KIF26B: variants seen among roughly 807,000 people sequenced by gnomAD.
KIF26B encodes the protein kinesin family member 26B, also known as kinesin-like protein KIF26B.
KIF26B carries 63 observed loss-of-function variants against 151.2 expected under a neutral mutation model. That is an observed-to-expected ratio of 0.42 (90% CI 0.34 to 0.51). The LOEUF (loss-of-function observed/expected upper bound fraction) is 0.51, where lower values mean the gene tolerates loss of function less well. KIF26B is among the 20% of genes least tolerant of loss of function. The pLI, the probability that KIF26B is intolerant of heterozygous loss-of-function variation, is 0.07. For missense variants in KIF26B, 2,813 were observed against 2,913.6 expected (o/e 0.97, Z 0.79); for synonymous variants, 1,357 against 1,262.1 (o/e 1.08, Z -1.59).
At chr1:245,242,799 G>C (rs774115271) in intron 2 of KIF26B, among the ~76,000 whole-genome samples, 4 of 151,626 alleles carry the variant, frequency 2.6e-5, no homozygotes, top group East Asian at 1.9e-4. Context: ...TTACAGGCAC[G>C]CACCACCACA....
At chr1:245,657,518 T>C (rs1288349687) in intron 10 of KIF26B, among the ~76,000 whole-genome samples, 1 of 152,232 alleles carries the variant, frequency 6.6e-6, no homozygotes, top group African/African-American at 2.4e-5. Context: ...CTGATGTCTC[T>C]CAGTCTTTAA....
At position 245,698,835 on chromosome 1, in the gene KIF26B, G is replaced by A. The variant is rs1572214027; in HGVS notation, c.6028-52G>A. ...CGATACTCACAGGTGCTCCTGTGGT[G>A]TGGGCTGGGTGTGAGCAGAAGGGCC... On this transcript the variant is annotated intron_variant, in intron 13 of 14. Transcript: ENST00000407071. This position sits in a 1 kb window ranked among gnomAD's most constrained non-coding sequence, Gnocchi z 4.0. 3.2e-6 allele frequency: 5 copies of A among 1,581,014 alleles called. No individual in the cohort carries two copies. In the East Asian group the frequency reaches 9.0e-5, roughly 28 times the overall value.
chr1:245,420,019 A>G (rs1387745425), intron 4 of KIF26B, among the ~76,000 whole-genome samples: 1 of 152,058 alleles, frequency 6.6e-6, no homozygotes, highest in Non-Finnish European at 1.5e-5. Context: ...TGACTACCAA[A>G]AATGTCTGCA....
At chr1:245,438,005 A>G (rs1485422291) in intron 4 of KIF26B, among the ~76,000 whole-genome samples, 1 of 151,602 alleles carries the variant, frequency 6.6e-6, no homozygotes, top group African/African-American at 2.4e-5. Flanking sequence ...CTCTCGTTTT[A>G]TTTTTTCTAA....
chr1:245,372,811 T>C (rs1452668152), intron 3 of KIF26B, among the ~76,000 whole-genome samples: 1 of 152,190 alleles, frequency 6.6e-6, no homozygotes, highest in East Asian at 1.9e-4. Context: ...AACTGTCTTT[T>C]GCATCATGGT....
At position 245,508,723 on chromosome 1, in the gene KIF26B, T is replaced by A. The variant is rs573499224; in HGVS notation, c.1167-32044T>A. On this transcript the variant is annotated intron_variant, in intron 4 of 14. Transcript: ENST00000407071. ...TTACTTTGAGCAGCTTATCTCTGTT[T>A]AGGCGATTTCTTTGTCACCATTAAT... is the stretch of plus-strand genomic sequence containing the variant. Among the ~76,000 whole-genome samples the A allele has an allele frequency of 9.5e-3, 1,454 of 152,314 alleles. 14 individuals are homozygous for A. Among genetic ancestry groups the A allele is most frequent in the South Asian group, 0.038 (183 of 4,824 alleles).
At chr1:245,643,549 T>C (rs2043914919) in intron 9 of KIF26B, among the ~76,000 whole-genome samples, 1 of 152,184 alleles carries the variant, frequency 6.6e-6, no homozygotes, top group Non-Finnish European at 1.5e-5. Flanking sequence ...TTTACATATG[T>C]CATCATTCAC....
chr1:245,226,504 C>T (rs1389324052), intron 2 of KIF26B, among the ~76,000 whole-genome samples: 2 of 151,770 alleles, frequency 1.3e-5, no homozygotes, highest in Non-Finnish European at 2.9e-5. Flanking sequence ...TCTTAGTTGC[C>T]CAGGCTAGAG....
At chr1:245,189,996 GA>G (rs1012470376) in intron 2 of KIF26B, among the ~76,000 whole-genome samples, 6 of 152,094 alleles carry the variant, frequency 3.9e-5, no homozygotes, top group African/African-American at 9.7e-5. Context: ...AGTATGGGGG[GA>G]AACCACCCCC....
At chr1:245,479,851 A>G (rs1660129112) in intron 4 of KIF26B, among the ~76,000 whole-genome samples, 3 of 151,956 alleles carry the variant, frequency 2.0e-5, no homozygotes, top group Middle Eastern at 3.4e-3. Context: ...TAGAAAGGAT[A>G]CTCAAATATT....
At chr1:245,413,807 G>A (rs1674350215) in intron 3 of KIF26B, among the ~76,000 whole-genome samples, 1 of 152,234 alleles carries the variant, frequency 6.6e-6, no homozygotes, top group Non-Finnish European at 1.5e-5. Flanking sequence ...GTCCTGAAGG[G>A]GAGAGTGGAG....
intron 3 of KIF26B, among the ~76,000 whole-genome samples, chr1:245,388,522 A>T (rs1405295236): frequency 6.6e-6 from 1 of 152,186 alleles, no homozygotes; most frequent in Non-Finnish European, 1.5e-5. Context: ...GACTATGTTA[A>T]TTAATCTGGC....
At chr1:245,670,132 A>C (rs570365922) in intron 10 of KIF26B, among the ~76,000 whole-genome samples, 4 of 152,158 alleles carry the variant, frequency 2.6e-5, no homozygotes, top group Admixed American at 2.6e-4. Flanking sequence ...CTATTAAATA[A>C]AATAAATAAA....
At chr1:245,629,960 G>A (rs1480838283) in intron 9 of KIF26B, among the ~76,000 whole-genome samples, 7 of 152,180 alleles carry the variant, frequency 4.6e-5, no homozygotes, top group Non-Finnish European at 7.3e-5. Context: ...AGACATTTAT[G>A]TGGCCAACAA....
Position 245,436,890 on chromosome 1 carries a change from C to CTTTT in KIF26B, c.1166+17160_1166+17163dup, listed in dbSNP as rs539810099. On this transcript the variant is annotated intron_variant, in intron 4 of 14. Transcript: ENST00000407071. ...CTTCTCTCTCTCACTTTCTCCCTCT[C>CTTTT]TTTTTTTTTTTTTTTTTTGTGAGTC... is the stretch of plus-strand genomic sequence containing the variant. 4.6e-3 allele frequency among the ~76,000 whole-genome samples: 559 copies of CTTTT among 122,238 alleles called. 1 individual carries two copies. Among genetic ancestry groups the CTTTT allele is most frequent in the Non-Finnish European group, 7.1e-3 (433 of 61,122 alleles). 80.2% of individuals were successfully genotyped at this position (122,238 alleles called of 152,430 possible). A position where few individuals can be genotyped will look rare whatever the true frequency, so the allele number is the denominator to read the frequency against.
chr1:245,247,586 G>A (rs1670361622), intron 2 of KIF26B, among the ~76,000 whole-genome samples: 1 of 152,268 alleles, frequency 6.6e-6, no homozygotes, highest in Non-Finnish European at 1.5e-5. Context: ...TGGCGTGGCA[G>A]CCCTGGGCTG....
intron 2 of KIF26B, among the ~76,000 whole-genome samples, chr1:245,219,097 C>A (rs1669707088): frequency 7.3e-6 from 1 of 137,620 alleles, no homozygotes; most frequent in Non-Finnish European, 1.5e-5. Context: ...AAAGCATTGT[C>A]ATCACACAGG....
intron 5 of KIF26B, among the ~76,000 whole-genome samples, chr1:245,550,160 T>C (rs543536896): frequency 6.6e-6 from 1 of 152,348 alleles, no homozygotes; most frequent in African/African-American, 2.4e-5. Flanking sequence ...CTGTGTTCTG[T>C]GCCACAACCA....
chr1:245,611,857 C>T lies in KIF26B; in HGVS notation c.1979C>T (p.Ala660Val). 1 of 1,613,850 alleles carries T rather than the reference C, an allele frequency of 6.2e-7. No homozygotes were observed. The highest frequency in any genetic ancestry group is 8.5e-7 in the Non-Finnish European group (1 of 1,179,894). Residue 660 changes from alanine to valine, a missense_variant, in exon 9 of 15, where the codon GCC becomes GTC. Physicochemically the swap from Ala to Val is moderately conservative, Grantham distance 64. Coordinates refer to ENST00000407071, the MANE Select transcript of KIF26B (RefSeq NM_018012.4). Reference sequence around the variant, plus strand: ...AAGGCTGCCTTTTTCCTGGATGCCGCCATTGCCTCCCGCAGGAGCCACCAA... The same window carrying T: ...AAGGCTGCCTTTTTCCTGGATGCCGTCATTGCCTCCCGCAGGAGCCACCAA... ...AEKAAFFLDAAIASRRSHQQD... is the reference protein window; with the variant it reads ...AEKAAFFLDAVIASRRSHQQD...
Sources: gnomAD v4.1 joint callset for allele counts (sites outside exome capture counted in the v4.1 genomes callset) on GRCh38, gnomAD v4.1.1 for gene constraint, Gnocchi (gnomAD v3.1) non-coding constraint, MANE v1.5 for transcripts, NCBI Gene and HGNC (gene_info 2026-07-23, HGNC 2026-07-21) for gene names.